TRAPPC11: variants seen among roughly 807,000 people sequenced by gnomAD.
TRAPPC11 encodes foie gras homolog.
A neutral mutation model predicts 151.2 loss-of-function variants in TRAPPC11; 104 were observed. That is an observed-to-expected ratio of 0.69 (90% CI 0.59 to 0.81). The LOEUF is 0.81. Among genes scored for constraint, TRAPPC11 ranks in the 30% least tolerant of loss-of-function variants. The pLI, the probability that TRAPPC11 is intolerant of heterozygous loss-of-function variation, is 0.00. For missense variants in TRAPPC11, 1,230 were observed against 1,349.6 expected, an observed-to-expected ratio of 0.91 and a Z score of 1.39; for synonymous variants, 456 against 472.3, an observed-to-expected ratio of 0.97 and a Z score of 0.45.
At chr4:183,696,453 T>A (rs1320348162) in intron 23 of TRAPPC11, among the ~76,000 whole-genome samples, 2 of 152,168 alleles carry the variant, frequency 1.3e-5, no homozygotes, top group Non-Finnish European at 2.9e-5. Flanking sequence ...TGGAGTGTAG[T>A]GGCACGATCT....
At position 183,675,208 on chromosome 4, in the gene TRAPPC11, G is replaced by C; in HGVS notation, c.705G>C (p.Glu235Asp). 3 of 1,543,164 alleles carry C rather than the reference G, an allele frequency of 1.9e-6. No individual in the cohort carries two copies. Among genetic ancestry groups the C allele is most frequent in the Non-Finnish European group, 2.6e-6 (3 of 1,144,456 alleles). Residue 235 changes from glutamate (E) to aspartate (D), a missense_variant, in exon 7 of 30, where the codon GAG (glutamate) becomes GAC (aspartate). Glu to Asp is a conservative substitution (Grantham distance 45, BLOSUM62 2). Transcript: ENST00000334690. ...RHQFKIAFFS[E>D]LKQDTQNALK... Reference sequence around the variant, plus strand: ...AGTTCAAAATAGCTTTCTTCAGTGAGTTGAAACAAGATACACAAAATGCGC... The same window carrying C: ...AGTTCAAAATAGCTTTCTTCAGTGACTTGAAACAAGATACACAAAATGCGC...
rs201822958 is a variant in TRAPPC11, at chr4:183,697,658, T to A, written c.2695-21T>A. ...GGATTAAGGTAATTCCTGACAGACC[T>A]TTTATCTTCATTTGTGACAGTTTGA... On this transcript the variant is annotated intron_variant, in intron 24 of 29. Coordinates refer to ENST00000334690, the MANE Select transcript of TRAPPC11 (RefSeq NM_021942.6). 7.7e-5 allele frequency: 124 copies of A among 1,612,886 alleles called. 1 individual carries two copies. In the East Asian group the frequency reaches 2.3e-3, roughly 30 times the overall value.
chr4:183,675,795 G>A (rs1735380378), intron 7 of TRAPPC11: 1 of 152,132 alleles, frequency 6.6e-6, no homozygotes, highest in African/African-American at 2.4e-5. Flanking sequence ...AATGTTATCA[G>A]TCAGTTGCAT....
intron 1 of TRAPPC11, among the ~76,000 whole-genome samples, chr4:183,663,434 C>T (rs193136453): frequency 5.9e-5 from 9 of 151,580 alleles, no homozygotes; most frequent in South Asian, 4.2e-4. Context: ...AGGGTTTCAC[C>T]GTGTTAGCCA....
chr4:183,686,889 A>G (rs1409940732), intron 18 of TRAPPC11, 141 bp downstream of exon 18: 4 of 1,039,004 alleles, frequency 3.8e-6, no homozygotes, highest in South Asian at 1.5e-5. Context: ...ATTCAAAAAT[A>G]TATCTCCAGG....
At position 183,705,075 on chromosome 4, in the gene TRAPPC11, C is replaced by T. The variant is rs763743260; in HGVS notation, c.3055+5C>T. On this transcript the variant is annotated splice_donor_5th_base_variant and intron_variant, in intron 27 of 29. Transcript: ENST00000334690. ...TCCCTCTCCATGTGAATGCAGGTAG[C>T]GGAATTCAAATTTTACTTGATAAGA... 1.1e-5 allele frequency: 18 copies of T among 1,568,900 alleles called. No homozygotes were observed. In the Admixed American group the frequency reaches 2.0e-4, roughly 18 times the overall value.
rs140915279 is a variant in TRAPPC11, at chr4:183,693,929, A to G, written c.2399A>G (p.Asn800Ser). 230 of 1,613,390 alleles carry G rather than the reference A, an allele frequency of 1.4e-4. No individual in the cohort carries two copies. The highest frequency in any genetic ancestry group is 4.9e-4 in the Middle Eastern group (3 of 6,084). ...TAGLKPGQDA[N>S]LTQKTHVTLH... ...TTAACTCTTTTAGGACAGGATGCCA[A>G]TTTAACTCAGAAGACTCACGTGACT... Residue 800 changes from asparagine to serine, a missense_variant, in exon 22 of 30, where the codon AAT (asparagine) becomes AGT (serine). Coordinates refer to ENST00000334690, the MANE Select transcript of TRAPPC11 (RefSeq NM_021942.6).
chr4:183,676,768 T>C (rs1735432709), intron 7 of TRAPPC11, among the ~76,000 whole-genome samples: 1 of 152,202 alleles, frequency 6.6e-6, no homozygotes, highest in Non-Finnish European at 1.5e-5. Flanking sequence ...TGTTGACCTG[T>C]GCTGCTGTTT....
Position 183,694,673 on chromosome 4 carries a change from CT to C in TRAPPC11, c.2579del (p.Leu860ArgfsTer2), listed in dbSNP as rs1216637259. On this transcript the variant is annotated frameshift_variant, in exon 23 of 30. Transcript: ENST00000334690. LOFTEE classifies it high-confidence loss of function. ...SRMFLVYVSYLINTTVEEKEI... is the reference protein window; with the variant it reads ...SRMFLVYVSYXINTTVEEKEI... ...AATGTTTCTTGTATATGTTTCTTAC[CT>C]GATAAATACAACCGTTGAAGAAAAA... The C allele has an allele frequency of 5.0e-6, 8 of 1,609,050 alleles. No individual in the cohort carries two copies. In the African/African-American group the frequency reaches 1.1e-4, roughly 22 times the overall value.
In TRAPPC11 at chr4:183,685,305, T is replaced by C. The variant is rs752315503; in HGVS notation, c.1664T>C (p.Ile555Thr). The C allele has an allele frequency of 3.1e-6, 5 of 1,614,036 alleles. No individual in the cohort carries two copies. The highest frequency in any genetic ancestry group is 2.2e-5 in the East Asian group (1 of 44,874). Residue 555 changes from isoleucine (I) to threonine (T), a missense_variant, in exon 17 of 30, where the codon ATC becomes ACC. Ile to Thr is a moderately conservative substitution (Grantham distance 89). Transcript: ENST00000334690. ...ESPDPEPDCD[I>T]LAVKTAQKLW... ...CCTGATCCAGAACCCGACTGTGATA[T>C]CTTAGCTGTGAAAACTGCTCAGAAG...
rs898762603 is a variant in TRAPPC11 at position 183,708,453 on chromosome 4, A to G, written c.3236A>G (p.Asn1079Ser). ...GGCACGGAGCAGGAAATGCTATATA[A>G]TTTCTATCCTCTGATGGCTGGATAC... The part of the protein sequence containing the change: ...LPGTEQEMLY[N>S]FYPLMAGYQQ... The change falls in exon 29 of 30, where the codon AAT (asparagine) becomes AGT (serine). Residue 1079 changes from asparagine to serine, a missense_variant. Transcript: ENST00000334690. 2 of 1,613,968 alleles carry G rather than the reference A, an allele frequency of 1.2e-6. No homozygotes were observed. The highest frequency in any genetic ancestry group is 3.3e-5 in the Admixed American group (2 of 60,000).
At chr4:183,691,051 TCCAGTGCAACAAAGAACAAACTG>T (rs1173044494) in intron 18 of TRAPPC11, among the ~76,000 whole-genome samples, 2 of 152,216 alleles carry the variant, frequency 1.3e-5, no homozygotes, top group African/African-American at 4.8e-5. Flanking sequence ...AACAGTAGTG[TCCAGTGCAACAAAGAACAAACTG>T]TTTCTCTGGG....
rs571451965 is a variant in TRAPPC11, at chr4:183,706,319, C to T, written c.3056-488C>T. Among the ~76,000 whole-genome samples, 227 of 152,240 alleles carry T rather than the reference C, an allele frequency of 1.5e-3. 5 individuals are homozygous for T. The South Asian group carries it at 0.043, about 29-fold the overall frequency. Reference sequence around the variant, plus strand: ...TGGGTGGATCACGAGGTCAGGAGATCGAGACCATCCTGGCTAACACGGTGA... The same window carrying T: ...TGGGTGGATCACGAGGTCAGGAGATTGAGACCATCCTGGCTAACACGGTGA... On this transcript the variant is annotated intron_variant, in intron 27 of 29. Coordinates refer to ENST00000334690, the MANE Select transcript of TRAPPC11 (RefSeq NM_021942.6).
chr4:183,692,461 A>C (rs1736303115), intron 19 of TRAPPC11, among the ~76,000 whole-genome samples: 1 of 152,108 alleles, frequency 6.6e-6, no homozygotes. Context: ...CCAGACATAA[A>C]TAATAATTAG....
chr4:183,682,509 A>G (rs760109773), intron 10 of TRAPPC11, among the ~76,000 whole-genome samples: 1 of 152,212 alleles, frequency 6.6e-6, no homozygotes, highest in Non-Finnish European at 1.5e-5. Context: ...CTGTGAAATC[A>G]TTTGTCAGAA....
At chr4:183,675,403 T>A (rs878902660) in intron 7 of TRAPPC11, among the ~76,000 whole-genome samples, 166 bp downstream of exon 7, 4 of 152,218 alleles carry the variant, frequency 2.6e-5, no homozygotes, top group South Asian at 4.1e-4. Flanking sequence ...TTAGGATTTT[T>A]AAAAATTTTC....
At chr4:183,681,579 G>A (rs1735693454) in intron 10 of TRAPPC11, among the ~76,000 whole-genome samples, 1 of 152,070 alleles carries the variant, frequency 6.6e-6, no homozygotes, top group Non-Finnish European at 1.5e-5. Flanking sequence ...AGGAGATCGA[G>A]ACCATCCTGG....
At chr4:183,663,321 C>A (rs1257005705) in intron 1 of TRAPPC11, among the ~76,000 whole-genome samples, 1 of 152,178 alleles carries the variant, frequency 6.6e-6, no homozygotes, top group Non-Finnish European at 1.5e-5. Flanking sequence ...GCAACCTCCA[C>A]CTCCCGGGTT....
rs1737413180 is a variant in TRAPPC11, at chr4:183,713,225, T to G, written c.*581T>G. On this transcript the variant is annotated 3_prime_UTR_variant, in exon 30 of 30. Transcript: ENST00000334690. ...TACTATCAAGAAGTGTCAAATAGGT[T>G]CAGCTTGCTGCCAAAATATGGATCA... The G allele has an allele frequency of 6.6e-6, 1 of 152,280 alleles. No homozygotes were observed. The allele number at this position is 152,280 out of a possible 1,614,324, so 9.4% of individuals were successfully genotyped here.
Sources: gnomAD v4.1 joint callset for allele counts (sites outside exome capture counted in the v4.1 genomes callset) on GRCh38, gnomAD v4.1.1 for gene constraint, MANE v1.5 for transcripts, NCBI Gene and HGNC (gene_info 2026-07-23, HGNC 2026-07-21) for gene names.